Variants in CALHM4 observed in about 807,000 individuals in gnomAD.
The protein encoded by CALHM4 is calcium homeostasis modulator protein 4.
A neutral mutation model predicts 13.3 loss-of-function variants in CALHM4; 16 were observed. That is an observed-to-expected ratio of 1.20 (90% CI 0.81 to 1.82). The LOEUF (loss-of-function observed/expected upper bound fraction) is 1.82. Among genes scored for constraint, CALHM4 ranks in the 40% most tolerant of loss-of-function variants. The pLI is 0.00. For synonymous variants in CALHM4, 127 were observed against 137.1 expected (o/e 0.93, Z 0.52); for missense variants, 344 against 374.9 (o/e 0.92, Z 0.68).
At chr6:116,554,413 A>G (rs1291448288) in intron 1 of CALHM4, 62 bp downstream of exon 1, 10 of 1,312,118 alleles carry the variant, frequency 7.6e-6, no homozygotes, top group Non-Finnish European at 1.0e-5. Flanking sequence ...GTCAATGGAA[A>G]CATTTCAGAT....
At chr6:116,532,422 A>T (rs1434245852) in intron 1 of CALHM4, among the ~76,000 whole-genome samples, 1 of 152,140 alleles carries the variant, frequency 6.6e-6, no homozygotes, top group African/African-American at 2.4e-5. Context: ...GTATTTTCTA[A>T]GTTCACTTTA....
chr6:116,550,025 T>TATATATATATACAC (rs765467696), upstream of CALHM4, among the ~76,000 whole-genome samples: 1 of 96,342 alleles, frequency 1.0e-5, no homozygotes, highest in African/African-American at 4.1e-5. Context: ...TATATATATA[T>TATATATATATACAC]ACACACACAC....
chr6:116,553,725 A>G, upstream of CALHM4: 1 of 1,372,122 alleles, frequency 7.3e-7, no homozygotes, highest in Non-Finnish European at 9.9e-7. Context: ...ATCCCATAAA[A>G]TGGTTATAGC....
At chr6:116,553,727 G>T, upstream of CALHM4, 3 of 1,383,924 alleles carry the variant, frequency 2.2e-6, no homozygotes, top group Non-Finnish European at 2.9e-6. Flanking sequence ...CCCATAAAAT[G>T]GTTATAGCTG....
chr6:116,556,105 T>G (rs1436125518), intron 1 of CALHM4, among the ~76,000 whole-genome samples: 1 of 152,254 alleles, frequency 6.6e-6, no homozygotes, highest in Non-Finnish European at 1.5e-5. Context: ...TTCCTTTACC[T>G]TCTTAGAACT....
Position 116,553,919 on chromosome 6 carries a change from T to C in CALHM4, c.126T>C (p.Pro42=). 6.4e-7 allele frequency: 1 copy of C among 1,550,672 alleles called. No individual in the cohort carries two copies. Among genetic ancestry groups the C allele is most frequent in the South Asian group, 1.2e-5 (1 of 84,064 alleles). Residue 42 remains proline, a synonymous_variant, in exon 1 of 2, where the codon CCT becomes CCC. Transcript: ENST00000368596. ...QLFSSSTFSC[P]CQVGKNFYYG... ...TCTCCTCTTCTACATTCAGCTGTCC[T>C]TGTCAGGTTGGAAAAAATTTCTATT...
chr6:116,553,937 T>A lies in CALHM4; in HGVS notation c.144T>A (p.Asn48Lys), dbSNP rs1442026507. 8.4e-6 allele frequency: 13 copies of A among 1,550,454 alleles called. No individual in the cohort carries two copies. The highest frequency in any genetic ancestry group is 2.0e-5 in the Admixed American group (1 of 50,978). The change falls in exon 1 of 2, where the codon AAT becomes AAA. Residue 48 changes from asparagine to lysine, a missense_variant. Asn to Lys is a moderately conservative substitution (Grantham distance 94). Coordinates refer to ENST00000368596, the MANE Select transcript of CALHM4 (RefSeq NM_001366078.2). ...GCTGTCCTTGTCAGGTTGGAAAAAATTTCTATTATGGTTCTGCTTTTCTTG... is the reference window on the plus strand; with the variant it reads ...GCTGTCCTTGTCAGGTTGGAAAAAAATTCTATTATGGTTCTGCTTTTCTTG... ...TFSCPCQVGK[N>K]FYYGSAFLVI...
In CALHM4 at chr6:116,558,444, C is replaced by T; in HGVS notation, c.*233C>T. The T allele has an allele frequency of 2.2e-6, 1 of 462,132 alleles. No homozygotes were observed. Among genetic ancestry groups the T allele is most frequent in the Non-Finnish European group, 3.8e-6 (1 of 264,236 alleles). The allele number at this position is 462,132 out of a possible 1,614,324, so 28.6% of individuals were successfully genotyped here. A position where few individuals can be genotyped will look rare whatever the true frequency, so the allele number is the denominator to read the frequency against. On this transcript the variant is annotated 3_prime_UTR_variant, in exon 2 of 2. Coordinates refer to ENST00000368596, the MANE Select transcript of CALHM4 (RefSeq NM_001366078.2). Reference sequence around the variant, plus strand: ...ATGCCTAGAGTGGAATGTGAAGTCACATGGAAATTTGCATCTTAGTTCTGT... The same window carrying T: ...ATGCCTAGAGTGGAATGTGAAGTCATATGGAAATTTGCATCTTAGTTCTGT...
At chr6:116,538,895 A>C (rs999282735) in intron 1 of CALHM4, among the ~76,000 whole-genome samples, 22 of 151,954 alleles carry the variant, frequency 1.4e-4, no homozygotes, top group Non-Finnish European at 3.2e-4. Context: ...ACGCCCGGCT[A>C]ATTTTTGTAT....
intron 1 of CALHM4, among the ~76,000 whole-genome samples, chr6:116,539,815 G>T (rs1251443430): frequency 6.6e-6 from 1 of 152,184 alleles, no homozygotes; most frequent in Non-Finnish European, 1.5e-5. Context: ...TTAAAGGCTG[G>T]CTAAAGATGC....
rs529152416 is a variant in CALHM4, at chr6:116,535,788, C to A, written c.-109+6598C>A. Among the ~76,000 whole-genome samples the A allele has an allele frequency of 1.0e-3, 159 of 152,206 alleles. 1 individual carries two copies. The highest frequency in any genetic ancestry group is 3.6e-3 in the African/African-American group (151 of 41,528). ...AACAGTTACCATAGTAGAAAAATAT[C>A]TTTAAAGATATATTTTAAACAATTA... On this transcript the variant is annotated intron_variant, in intron 1 of 2. Coordinates refer to the CALHM4 transcript ENST00000368597.
upstream of CALHM4, among the ~76,000 whole-genome samples, chr6:116,550,581 T>G (rs1774033827): frequency 6.6e-6 from 1 of 152,150 alleles, no homozygotes; most frequent in African/African-American, 2.4e-5. Flanking sequence ...AAAAAATTTT[T>G]TGTTGTGATT....
upstream of CALHM4, among the ~76,000 whole-genome samples, chr6:116,549,023 G>A (rs117298908): frequency 9.9e-3 from 1,507 of 152,234 alleles, 10 homozygotes; most frequent in Non-Finnish European, 0.016. Context: ...GGTGGTTCAC[G>A]TCTGTAATCC....
In CALHM4 at chr6:116,558,307, CT is replaced by C. The variant is rs1410340893; in HGVS notation, c.*99del. On this transcript the variant is annotated 3_prime_UTR_variant, in exon 2 of 2. Transcript: ENST00000368596. The stretch of plus-strand genomic sequence containing the variant: ...TTCAATGTAATCTCTTCATCTTTTT[CT>C]TTCTCTCTGATATTTGTTTACGTAA... 1.6e-6 allele frequency: 2 copies of C among 1,282,002 alleles called. No homozygotes were observed. The highest frequency in any genetic ancestry group is 1.5e-5 in the African/African-American group (1 of 67,050). 79.4% of individuals were successfully genotyped at this position (1,282,002 alleles called of 1,614,324 possible).
chr6:116,537,659 C>T (rs1298534610), intron 1 of CALHM4, among the ~76,000 whole-genome samples: 1 of 152,134 alleles, frequency 6.6e-6, no homozygotes, highest in Admixed American at 6.5e-5. Context: ...AGTAGTTCCT[C>T]ATGGAAGGGA....
chr6:116,531,478 AC>A (rs1045081904), intron 1 of CALHM4, among the ~76,000 whole-genome samples: 6 of 152,136 alleles, frequency 3.9e-5, no homozygotes, highest in African/African-American at 1.4e-4. Flanking sequence ...GAAGTAGAGA[AC>A]CACAAAGACT....
At chr6:116,540,402 T>A in intron 1 of CALHM4, 1 of 1,551,372 alleles carries the variant, frequency 6.4e-7, no homozygotes, top group South Asian at 1.2e-5. Flanking sequence ...AACTATGGCA[T>A]CTTCCCACGC....
upstream of CALHM4, among the ~76,000 whole-genome samples, chr6:116,550,615 T>G (rs1368092497): frequency 6.6e-6 from 1 of 152,210 alleles, no homozygotes; most frequent in Non-Finnish European, 1.5e-5. Flanking sequence ...GTCCCATTTC[T>G]ACCATTATTT....
At chr6:116,541,758 A>G (rs1773478149) in intron 1 of CALHM4, among the ~76,000 whole-genome samples, 2 of 152,202 alleles carry the variant, frequency 1.3e-5, no homozygotes, top group African/African-American at 2.4e-5. Context: ...CTCACTTTGC[A>G]TATCCACAGC....
Sources: allele counts gnomAD v4.1 joint callset (sites outside exome capture counted in the v4.1 genomes callset), GRCh38; gene constraint gnomAD v4.1.1; transcripts MANE v1.5; gene names NCBI Gene and HGNC (gene_info 2026-07-23, HGNC 2026-07-21).